Variants in DMD observed in about 807,000 individuals in gnomAD.
DMD encodes dystrophin.
In DMD, 63 loss-of-function variants were observed where a neutral mutation model predicts 330.1. The observed-to-expected ratio is 0.19, with a 90% CI of 0.16 to 0.24. The LOEUF is 0.24. Ranked by LOEUF, DMD falls within the 10% of genes least tolerant of loss-of-function variation. DMD has a pLI of 1.00. For synonymous variants in DMD, 1,223 were observed against 959.8 expected, an observed-to-expected ratio of 1.27 and a Z score of -5.07; for missense variants, 3,344 against 2,684.1, an observed-to-expected ratio of 1.25 and a Z score of -5.43.
At chrX:31,641,501 CAAAAAAAAAA>C (rs1048854739) in intron 54 of DMD, among the ~76,000 whole-genome samples, 1 of 33,612 alleles carries the variant, frequency 3.0e-5, no homozygotes, top group Non-Finnish European at 5.9e-5. Flanking sequence ...GACTCCGTCT[CAAAAAAAAAA>C]AAAAAAAAAA....
chrX:33,190,475 C>CTTTTTTT (rs1179347488), intron 1 of DMD, among the ~76,000 whole-genome samples: 3 of 22,439 alleles, frequency 1.3e-4, no homozygotes, highest in African/African-American at 2.7e-4. Flanking sequence ...ATCTTTCTTT[C>CTTTTTTT]TTTTTTTTTT....
chrX:31,709,457 C>T (rs2084439819), intron 52 of DMD, among the ~76,000 whole-genome samples: 1 of 110,434 alleles, frequency 9.1e-6, no homozygotes, highest in Admixed American at 9.7e-5. Context: ...ACATAATTAC[C>T]ATTTTAATTT....
At chrX:33,265,051 T>C (rs923536653) in intron 1 of DMD, among the ~76,000 whole-genome samples, 3 of 111,249 alleles carry the variant, frequency 2.7e-5, no homozygotes, top group African/African-American at 9.8e-5. Context: ...AGAACAATCA[T>C]ACTAAGTGTG....
At chrX:32,349,419 T>G (rs977910975) in intron 37 of DMD, among the ~76,000 whole-genome samples, 2 of 111,397 alleles carry the variant, frequency 1.8e-5, no homozygotes, top group Non-Finnish European at 3.8e-5. Flanking sequence ...TGAAAACCCA[T>G]AGATGACATA....
At chrX:32,090,153 G>C (rs184555683) in intron 44 of DMD, among the ~76,000 whole-genome samples, 1 of 111,914 alleles carries the variant, frequency 8.9e-6, no homozygotes, top group East Asian at 2.8e-4. Flanking sequence ...TTAATAAACA[G>C]AGATGACATG....
At chrX:32,631,110 C>A (rs923278887) in intron 11 of DMD, among the ~76,000 whole-genome samples, 1 of 112,011 alleles carries the variant, frequency 8.9e-6, no homozygotes, top group African/African-American at 3.3e-5. Context: ...CCTTGGTGAT[C>A]TTTGGGAAGA....
At chrX:32,434,649 G>A (rs896487978) in intron 29 of DMD, among the ~76,000 whole-genome samples, 4 of 111,624 alleles carry the variant, frequency 3.6e-5, no homozygotes, top group Non-Finnish European at 7.5e-5. Context: ...CGAAACAACA[G>A]TCTTTTTAAC....
At chrX:32,731,898 C>T (rs1197102845) in intron 7 of DMD, among the ~76,000 whole-genome samples, 12 of 112,202 alleles carry the variant, frequency 1.1e-4, no homozygotes, top group African/African-American at 3.9e-4. Flanking sequence ...AGCAACGGAA[C>T]AAAGCTGGAG....
intron 1 of DMD, among the ~76,000 whole-genome samples, chrX:33,083,972 TAG>T (rs1259378180): frequency 9.0e-6 from 1 of 110,813 alleles, no homozygotes; most frequent in Non-Finnish European, 1.9e-5. Flanking sequence ...TGGCAGCACC[TAG>T]GATACTCACC....
Position 31,444,523 on chromosome X carries a change from G to A in DMD, c.9042C>T (p.Leu3014=), listed in dbSNP as rs1650646153. The stretch of plus-strand genomic sequence containing the variant: ...TGGTGTTCAGGTCTTCCAGAGTGCT[G>A]AGGTTATACGGTGAGAGCTGAATGC... ...TLGIQLSPYN[L]STLEDLNTRW... is the part of the protein sequence containing the mutation. The change falls in exon 60 of 79, where the codon CTC becomes CTT. Residue 3014 remains leucine (L), a synonymous_variant. Coordinates refer to ENST00000357033, the MANE Select transcript of DMD (RefSeq NM_004006.3). 8.3e-7 allele frequency: 1 copy of A among 1,210,136 alleles called. No homozygotes were observed. Among genetic ancestry groups the A allele is most frequent in the Non-Finnish European group, 1.1e-6 (1 of 895,286 alleles).
chrX:33,164,217 A>G (rs1367744406), intron 1 of DMD, among the ~76,000 whole-genome samples: 2 of 111,934 alleles, frequency 1.8e-5, no homozygotes, highest in African/African-American at 6.5e-5. Flanking sequence ...TTTTTCACAA[A>G]AGGAAGTGAA....
intron 16 of DMD, among the ~76,000 whole-genome samples, chrX:32,558,940 T>G (rs1277772246): frequency 2.5e-4 from 4 of 16,215 alleles, no homozygotes; most frequent in Non-Finnish European, 1.0e-4. Flanking sequence ...CAAATTTTCT[T>G]TTTTTTTTTT....
chrX:33,099,103 T>C (rs945820374), intron 1 of DMD, among the ~76,000 whole-genome samples: 3 of 112,276 alleles, frequency 2.7e-5, no homozygotes, highest in Non-Finnish European at 5.6e-5. Context: ...GGCTAGTAGA[T>C]ATTTAAGAAT....
chrX:32,806,057 T>C (rs755288762), intron 7 of DMD, among the ~76,000 whole-genome samples: 3 of 111,883 alleles, frequency 2.7e-5, no homozygotes, highest in African/African-American at 9.7e-5. Flanking sequence ...AGCATCATAA[T>C]GACAGGATCA....
chrX:31,501,648 G>C (rs2070423136), intron 56 of DMD, among the ~76,000 whole-genome samples: 1 of 112,003 alleles, frequency 8.9e-6, no homozygotes, highest in African/African-American at 3.2e-5. Context: ...CTGATAAAGT[G>C]ATTGTTATTT....
chrX:31,327,214 G>A (rs1257182725), intron 61 of DMD, among the ~76,000 whole-genome samples: 1 of 112,076 alleles, frequency 8.9e-6, no homozygotes, highest in Non-Finnish European at 1.9e-5. Context: ...AACTACACAT[G>A]CATTTATTTA....
chrX:32,456,578 TTG>T (rs60876331), intron 25 of DMD, among the ~76,000 whole-genome samples: 20,021 of 89,115 alleles, frequency 0.22, 1,845 homozygotes, highest in Middle Eastern at 0.31. Context: ...CATACATACT[TTG>T]TGTGTGTGTG....
At chrX:32,384,084 A>G (rs2097942399) in intron 33 of DMD, among the ~76,000 whole-genome samples, 1 of 110,620 alleles carries the variant, frequency 9.0e-6, no homozygotes, top group South Asian at 3.7e-4. Flanking sequence ...TGTAATTTAT[A>G]ACTATAACAT....
intron 30 of DMD, among the ~76,000 whole-genome samples, chrX:32,407,421 A>G (rs1247418490): frequency 8.9e-6 from 1 of 111,823 alleles, no homozygotes; most frequent in Non-Finnish European, 1.9e-5. Context: ...CAAAACAACG[A>G]GATACCATCT....
Sources: gnomAD v4.1 joint callset for allele counts (sites outside exome capture counted in the v4.1 genomes callset) on GRCh38, gnomAD v4.1.1 for gene constraint, MANE v1.5 for transcripts, NCBI Gene and HGNC (gene_info 2026-07-23, HGNC 2026-07-21) for gene names.